Variants in TMA16 observed in about 807,000 individuals in gnomAD.
TMA16 encodes the protein translation machinery-associated protein 16.
In TMA16, 26 loss-of-function variants were observed where a neutral mutation model predicts 27.1. The observed-to-expected ratio is 0.96, with a 90% CI of 0.70 to 1.33. The LOEUF (loss-of-function observed/expected upper bound fraction) is 1.33, where lower values mean the gene tolerates loss of function less well. TMA16 is among the 40% of genes most tolerant of loss of function. TMA16 has a pLI of 0.00. For synonymous variants in TMA16, 71 were observed against 81.9 expected, an observed-to-expected ratio of 0.87 and a Z score of 0.72; for missense variants, 233 against 241.4, an observed-to-expected ratio of 0.97 and a Z score of 0.23.
intron 1 of TMA16, among the ~76,000 whole-genome samples, chr4:163,496,309 A>G (rs1737552226): frequency 6.6e-6 from 1 of 152,186 alleles, no homozygotes; most frequent in African/African-American, 2.4e-5. Flanking sequence ...TACCTCATAG[A>G]ATTGTGGAAA....
chr4:163,501,660 G>C (rs575095464), intron 1 of TMA16, among the ~76,000 whole-genome samples: 2 of 152,264 alleles, frequency 1.3e-5, no homozygotes, highest in South Asian at 4.1e-4. Context: ...AGTGTTTGTT[G>C]ACATTGGATC....
At position 163,512,829 on chromosome 4, in the gene TMA16, A is replaced by G; in HGVS notation, c.124A>G (p.Asn42Asp). The G allele has an allele frequency of 6.3e-7, 1 of 1,599,812 alleles. No individual in the cohort carries two copies. The highest frequency in any genetic ancestry group is 8.5e-7 in the Non-Finnish European group (1 of 1,170,790). ...TTTACCTTTCCTTCAAAGATTGAAG[A>G]ATGAAAAGGCCTTGCGTCTCAACCT... is the stretch of plus-strand genomic sequence containing the variant. ...HKQEKKEKLK[N>D]EKALRLNLVG... Residue 42 changes from asparagine to aspartate, a missense_variant, in exon 3 of 7, where the codon AAT (asparagine) becomes GAT (aspartate). Coordinates refer to ENST00000358572, the MANE Select transcript of TMA16 (RefSeq NM_018352.3).
chr4:163,500,603 C>G (rs1737635475), intron 1 of TMA16, among the ~76,000 whole-genome samples: 1 of 152,108 alleles, frequency 6.6e-6, no homozygotes, highest in South Asian at 2.1e-4. Context: ...AAGACAGTGC[C>G]TTCTTTCTTG....
intron 2 of TMA16, among the ~76,000 whole-genome samples, chr4:163,508,525 T>A (rs750503850): frequency 2.6e-5 from 4 of 152,196 alleles, no homozygotes; most frequent in Non-Finnish European, 5.9e-5. Context: ...GACATAACTT[T>A]TGTATATGTT....
rs1357295321 is a variant in TMA16, at chr4:163,514,173, TATTATG to T, written c.239+17_239+22del. Reference sequence around the variant, plus strand: ...CTAATTGAAAGGTAAACACTGGGCATATTATGAGCAAAGGGTCAGAAAAGGGAATTG... The same window carrying T: ...CTAATTGAAAGGTAAACACTGGGCATAGCAAAGGGTCAGAAAAGGGAATTG... On this transcript the variant is annotated intron_variant, in intron 4 of 6. Transcript: ENST00000358572. 7 of 1,585,192 alleles carry T rather than the reference TATTATG, an allele frequency of 4.4e-6. No homozygotes were observed. The East Asian group carries it at 6.8e-5, about 15-fold the overall frequency.
chr4:163,507,305 T>C (rs925047765), intron 2 of TMA16, among the ~76,000 whole-genome samples, 160 bp downstream of exon 2: 11 of 152,210 alleles, frequency 7.2e-5, no homozygotes, highest in Non-Finnish European at 1.6e-4. Flanking sequence ...GACTCTACTC[T>C]TTTAGAGCTT....
In TMA16 at chr4:163,519,989, GA is replaced by G. The variant is rs1237613096; in HGVS notation, c.*479del. ...TATTTTCCTTTTTTACAGAATAAGG[GA>G]AAATGTGATAAGAAGTTTGTATACA... On this transcript the variant is annotated 3_prime_UTR_variant, in exon 7 of 7. Coordinates refer to ENST00000358572, the MANE Select transcript of TMA16 (RefSeq NM_018352.3). 7 of 608,712 alleles carry G rather than the reference GA, an allele frequency of 1.1e-5. No homozygotes were observed. The highest frequency in any genetic ancestry group is 6.1e-5 in the East Asian group (2 of 32,636). The allele number at this position is 608,712 out of a possible 1,614,324, so 37.7% of individuals were successfully genotyped here.
At position 163,509,893 on chromosome 4, in the gene TMA16, A is replaced by C. The variant is rs139532034; in HGVS notation, c.116+2748A>C. ...GAAAATGACTCCTAATGGAAGATTA[A>C]CAAAGGAAACTAAGCATGATGGGTA... On this transcript the variant is annotated intron_variant, in intron 2 of 6. Transcript: ENST00000358572. Among the ~76,000 whole-genome samples, 220 of 152,366 alleles carry C rather than the reference A, an allele frequency of 1.4e-3. 1 individual carries two copies. The highest frequency in any genetic ancestry group is 5.1e-3 in the African/African-American group (211 of 41,600).
At chr4:163,501,783 G>T (rs1015275119) in intron 1 of TMA16, among the ~76,000 whole-genome samples, 2 of 152,136 alleles carry the variant, frequency 1.3e-5, no homozygotes, top group Admixed American at 1.3e-4. Context: ...TAATTAGGTG[G>T]TAGGCTTATT....
intron 3 of TMA16, 32 bp from the exon 4 acceptor site, chr4:163,514,042 G>T: frequency 6.6e-7 from 1 of 1,504,196 alleles, no homozygotes; most frequent in Non-Finnish European, 9.1e-7. Context: ...ATGACTTGTG[G>T]GGTAAACTGT....
At chr4:163,501,646 T>A (rs1737652620) in intron 1 of TMA16, among the ~76,000 whole-genome samples, 2 of 152,194 alleles carry the variant, frequency 1.3e-5, no homozygotes, top group South Asian at 4.1e-4. Context: ...TATACAGTGA[T>A]GCAAGTGTTT....
intron 1 of TMA16, 144 bp downstream of exon 1, chr4:163,494,948 C>CGGGGCGAAGCCTCTGG: frequency 8.2e-7 from 1 of 1,225,284 alleles, no homozygotes; most frequent in Non-Finnish European, 1.1e-6. Context: ...GTGCGGGGTG[C>CGGGGCGAAGCCTCTGG]GGGGCGAAGC....
chr4:163,508,738 A>G (rs2110801899), intron 2 of TMA16, among the ~76,000 whole-genome samples: 1 of 152,320 alleles, frequency 6.6e-6, no homozygotes, highest in South Asian at 2.1e-4. Context: ...TATTTTAGCA[A>G]GTAACTGCTT....
chr4:163,516,768 CTTTTTTTCACATTTGGAAAAATGTGA>C (rs1164223918), intron 5 of TMA16, among the ~76,000 whole-genome samples: 1 of 151,450 alleles, frequency 6.6e-6, no homozygotes, highest in Non-Finnish European at 1.5e-5. Context: ...TTAAAAAAGT[CTTTTTTTCACATTTGGAAAAATGTGA>C]TTTTTTTAAA....
intron 6 of TMA16, among the ~76,000 whole-genome samples, chr4:163,517,910 G>A (rs954613966): frequency 2.0e-5 from 3 of 151,814 alleles, no homozygotes; most frequent in African/African-American, 7.3e-5. Flanking sequence ...TTTGTCCAGT[G>A]GTTTCTAGTT....
chr4:163,515,328 C>G lies in TMA16; in HGVS notation c.255C>G (p.Phe85Leu). Reference protein sequence around the residue: ...CELIERYLNRFSSELEQIELH... With the variant: ...CELIERYLNRLSSELEQIELH... Reference sequence around the variant, plus strand: ...TATTTTTCAGGTACTTAAATCGATTCAGCAGTGAGCTGGAGCAGATTGAGT... The same window carrying G: ...TATTTTTCAGGTACTTAAATCGATTGAGCAGTGAGCTGGAGCAGATTGAGT... Residue 85 changes from phenylalanine to leucine, a missense_variant, in exon 5 of 7, where the codon TTC becomes TTG. Transcript: ENST00000358572. The G allele has an allele frequency of 1.2e-6, 2 of 1,610,882 alleles. No homozygotes were observed. Among genetic ancestry groups the G allele is most frequent in the Non-Finnish European group, 1.7e-6 (2 of 1,179,122 alleles).
chr4:163,505,998 G>A (rs1417129537), intron 1 of TMA16, among the ~76,000 whole-genome samples: 13 of 152,092 alleles, frequency 8.5e-5, no homozygotes, highest in Admixed American at 8.5e-4. Context: ...TATATGAATG[G>A]ATCTTTTTCT....
At chr4:163,494,952 G>A in intron 1 of TMA16, 148 bp downstream of exon 1, 2 of 1,209,336 alleles carry the variant, frequency 1.7e-6, no homozygotes, top group Non-Finnish European at 2.3e-6. Flanking sequence ...GGGGTGCGGG[G>A]CGAAGCCTCT....
At chr4:163,517,578 G>T in intron 6 of TMA16, 102 bp downstream of exon 6, 1 of 1,148,440 alleles carries the variant, frequency 8.7e-7, no homozygotes, top group Non-Finnish European at 1.2e-6. Flanking sequence ...AAAGAAAATC[G>T]GGTTTCTTTT....
Sources: allele counts gnomAD v4.1 joint callset (sites outside exome capture counted in the v4.1 genomes callset), GRCh38; gene constraint gnomAD v4.1.1; transcripts MANE v1.5; gene names NCBI Gene and HGNC (gene_info 2026-07-23, HGNC 2026-07-21).